The following RGS6 variants were observed in gnomAD, a reference collection of about 807,000 sequenced individuals.
RGS6 encodes the protein regulator of G-protein signaling 6.
Under a neutral mutation model 78.5 loss-of-function variants are expected in RGS6, and 30 were observed. That is an observed-to-expected ratio of 0.38 (90% CI 0.29 to 0.52). RGS6 has a LOEUF of 0.52. Among genes scored for constraint, RGS6 ranks in the 20% least tolerant of loss-of-function variants. The pLI, the probability that RGS6 is intolerant of heterozygous loss-of-function variation, is 0.85. For missense variants in RGS6, 495 were observed against 609.7 expected (o/e 0.81, Z 1.98); for synonymous variants, 206 against 206.0 (o/e 1.00, Z 0.00).
At chr14:72,514,771 G>A (rs1214698399) in intron 14 of RGS6, among the ~76,000 whole-genome samples, 1 of 152,222 alleles carries the variant, frequency 6.6e-6, no homozygotes, top group East Asian at 1.9e-4. Context: ...CAGGATGGAT[G>A]GATTTGATGC....
upstream of RGS6, among the ~76,000 whole-genome samples, chr14:71,928,351 T>A (rs894796991): frequency 6.6e-6 from 1 of 151,972 alleles, no homozygotes; most frequent in African/African-American, 2.4e-5. Context: ...AAGAAAAGAG[T>A]CTTTAGCTCT....
intron 2 of RGS6, among the ~76,000 whole-genome samples, chr14:72,018,992 C>T (rs964806434): frequency 1.3e-5 from 2 of 151,972 alleles, no homozygotes; most frequent in Non-Finnish European, 2.9e-5. Flanking sequence ...TGAGAGGCTG[C>T]CCTCTAAATG....
chr14:72,568,189 T>C (rs1270316736), downstream of RGS6, among the ~76,000 whole-genome samples: 2 of 152,160 alleles, frequency 1.3e-5, no homozygotes, highest in Non-Finnish European at 2.9e-5. Flanking sequence ...AGCCCCTGAG[T>C]GCAGAGCCCC....
At chr14:72,555,084 A>G (rs2097553167) in intron 17 of RGS6, among the ~76,000 whole-genome samples, 1 of 152,234 alleles carries the variant, frequency 6.6e-6, no homozygotes, top group Admixed American at 6.5e-5. Context: ...GGCACCCCGA[A>G]TTAGGCACTT....
chr14:72,609,613 C>T, the RGS6 span, among the ~76,000 whole-genome samples: 51 of 152,236 alleles, frequency 3.4e-4, no homozygotes, highest in African/African-American at 1.1e-3. Flanking sequence ...ACCTGACACA[C>T]GTGGGAAGGG....
intron 2 of RGS6, among the ~76,000 whole-genome samples, chr14:72,000,237 G>A (rs574838460): frequency 3.2e-4 from 49 of 152,346 alleles, no homozygotes; most frequent in African/African-American, 1.1e-3. Context: ...ATCTTTACAT[G>A]AGGATGCAAA....
intron 2 of RGS6, among the ~76,000 whole-genome samples, chr14:71,972,406 C>T (rs1000897624): frequency 6.6e-6 from 1 of 151,944 alleles, no homozygotes; most frequent in Non-Finnish European, 1.5e-5. Context: ...TTTGGAAATA[C>T]ATTTTCCTTA....
At chr14:71,919,538 C>T in the RGS6 span, among the ~76,000 whole-genome samples, 1 of 152,052 alleles carries the variant, frequency 6.6e-6, no homozygotes, top group African/African-American at 2.4e-5. Context: ...AATTTCCTAG[C>T]CAGGAATGCC....
At position 72,436,321 on chromosome 14, in the gene RGS6, A is replaced by G. The variant is rs533421114; in HGVS notation, c.185-18207A>G. On this transcript the variant is annotated intron_variant, in intron 3 of 17. Transcript: ENST00000553525. ...TAATCTCAATCCCTTAAAACTATAC[A>G]TGACTCTCTTCTTAATAAACTGCAA... Among the ~76,000 whole-genome samples the G allele has an allele frequency of 1.6e-4, 24 of 152,032 alleles. No individual in the cohort carries two copies. The South Asian group carries it at 4.8e-3, about 30-fold the overall frequency.
intron 1 of RGS6, among the ~76,000 whole-genome samples, chr14:71,963,559 G>A (rs2093340578): frequency 6.6e-6 from 1 of 152,046 alleles, no homozygotes; most frequent in Non-Finnish European, 1.5e-5. Context: ...TTGTCTCTGT[G>A]GACTTACCTA....
At chr14:72,541,512 A>G (rs1006075582) in intron 17 of RGS6, 2 of 1,535,580 alleles carry the variant, frequency 1.3e-6, no homozygotes, top group Non-Finnish European at 1.7e-6. Context: ...GTCTATCTTC[A>G]TGGCTGCTTT....
intron 2 of RGS6, among the ~76,000 whole-genome samples, chr14:72,085,107 A>G (rs765644180): frequency 1.6e-4 from 24 of 152,302 alleles, no homozygotes; most frequent in Middle Eastern, 3.4e-3. Flanking sequence ...TCCTCACAGA[A>G]TGGTGGATAC....
chr14:72,224,621 A>T (rs2047673282), intron 2 of RGS6, among the ~76,000 whole-genome samples: 1 of 152,188 alleles, frequency 6.6e-6, no homozygotes, highest in Non-Finnish European at 1.5e-5. Context: ...CTATGCCTGA[A>T]AAGTTGTGCA....
chr14:72,240,377 T>C (rs1027876792), intron 2 of RGS6, among the ~76,000 whole-genome samples: 3 of 152,286 alleles, frequency 2.0e-5, no homozygotes, highest in Admixed American at 2.0e-4. Flanking sequence ...GCTCTGATTA[T>C]GCCTCTTGGC....
rs549261099 is a variant in RGS6 at position 72,381,360 on chromosome 14, A to G, written c.184+29166A>G. ...ATGATAGACTATGCTAATTACTCCA[A>G]TCTGATCACTATGCATTATATGTAT... On this transcript the variant is annotated intron_variant, in intron 3 of 17. Transcript: ENST00000553525. Among the ~76,000 whole-genome samples the G allele has an allele frequency of 9.2e-5, 14 of 152,242 alleles. 1 individual carries two copies. In the East Asian group the frequency reaches 1.2e-3, roughly 13 times the overall value.
intron 2 of RGS6, among the ~76,000 whole-genome samples, chr14:72,026,062 TAGG>T (rs1335495528): frequency 6.6e-6 from 1 of 152,084 alleles, no homozygotes; most frequent in Non-Finnish European, 1.5e-5. Flanking sequence ...CCCTCAAACT[TAGG>T]AGAAACCTAA....
At chr14:72,243,987 A>T (rs2053582006) in intron 2 of RGS6, among the ~76,000 whole-genome samples, 1 of 152,198 alleles carries the variant, frequency 6.6e-6, no homozygotes, top group Non-Finnish European at 1.5e-5. Context: ...GTTGGCCTGG[A>T]TCAGTGACTC....
chr14:72,001,209 C>T (rs895678344), intron 2 of RGS6, among the ~76,000 whole-genome samples: 2 of 151,920 alleles, frequency 1.3e-5, no homozygotes, highest in African/African-American at 4.9e-5. Flanking sequence ...GTATTCGTCC[C>T]AGTCTGAGTC....
Position 71,965,749 on chromosome 14 carries a change from C to T in RGS6, c.84+874C>T, listed in dbSNP as rs141622638. On this transcript the variant is annotated intron_variant, in intron 2 of 17. Transcript: ENST00000553525. Reference sequence around the variant, plus strand: ...TGAATGGATTGTTATCAAGATAGAGCGGAGGCTCTAGGAGAGAGATTTCTG... The same window carrying T: ...TGAATGGATTGTTATCAAGATAGAGTGGAGGCTCTAGGAGAGAGATTTCTG... Among the ~76,000 whole-genome samples, 336 of 152,110 alleles carry T rather than the reference C, an allele frequency of 2.2e-3. 1 individual carries two copies. The highest frequency in any genetic ancestry group is 7.7e-3 in the African/African-American group (319 of 41,456).
Sources: allele counts gnomAD v4.1 joint callset (sites outside exome capture counted in the v4.1 genomes callset), GRCh38; gene constraint gnomAD v4.1.1; transcripts MANE v1.5; gene names NCBI Gene and HGNC (gene_info 2026-07-23, HGNC 2026-07-21).